Variants in TRPC4AP observed in about 807,000 individuals in gnomAD.
TRPC4AP encodes short transient receptor potential channel 4-associated protein.
A neutral mutation model predicts 99.0 loss-of-function variants in TRPC4AP; 45 were observed. The ratio of observed to expected loss-of-function variants is 0.45; its 90% CI spans 0.36 to 0.58. The LOEUF is 0.58. Among genes scored for constraint, TRPC4AP ranks in the 20% least tolerant of loss-of-function variants. The pLI, the probability that TRPC4AP is intolerant of heterozygous loss-of-function variation, is 0.00. For missense variants in TRPC4AP, 879 were observed against 985.3 expected, an observed-to-expected ratio of 0.89 and a Z score of 1.44; for synonymous variants, 408 against 385.8, an observed-to-expected ratio of 1.06 and a Z score of -0.67.
At chr20:35,058,449 T>C (rs1372315774) in intron 3 of TRPC4AP, among the ~76,000 whole-genome samples, 4 of 152,092 alleles carry the variant, frequency 2.6e-5, no homozygotes, top group Admixed American at 6.6e-5. Context: ...TTAAATCACA[T>C]ACAGTATGTT....
At chr20:35,025,881 A>G (rs973753873) in intron 8 of TRPC4AP, among the ~76,000 whole-genome samples, 2 of 152,134 alleles carry the variant, frequency 1.3e-5, no homozygotes, top group African/African-American at 4.8e-5. Flanking sequence ...CTTTATCCTT[A>G]TGTTTTCTTC....
intron 7 of TRPC4AP, among the ~76,000 whole-genome samples, chr20:35,042,263 C>T (rs2083460637): frequency 6.6e-6 from 1 of 152,206 alleles, no homozygotes; most frequent in Non-Finnish European, 1.5e-5. Flanking sequence ...TTGGAGTCCA[C>T]AAACTTCTAC....
intron 16 of TRPC4AP, among the ~76,000 whole-genome samples, chr20:35,004,978 C>T (rs2082487011): frequency 1.3e-5 from 2 of 152,328 alleles, no homozygotes; most frequent in African/African-American, 2.4e-5. Flanking sequence ...GTTTTCCACA[C>T]CAGCTCTCAG....
At chr20:35,005,866 G>C (rs2082505006) in intron 15 of TRPC4AP, 63 bp from the exon 16 acceptor site, 15 of 1,496,296 alleles carry the variant, frequency 1.0e-5, no homozygotes, top group Non-Finnish European at 1.4e-5. Context: ...CATGGCCCGG[G>C]GGGATAGTCA....
chr20:35,010,726 A>G (rs1221847572), intron 11 of TRPC4AP, among the ~76,000 whole-genome samples: 2 of 152,132 alleles, frequency 1.3e-5, no homozygotes, highest in African/African-American at 4.8e-5. Flanking sequence ...CTTGCCATCC[A>G]GGCCTGTCAC....
intron 8 of TRPC4AP, among the ~76,000 whole-genome samples, chr20:35,034,775 T>C (rs1235698847): frequency 6.6e-6 from 1 of 151,946 alleles, no homozygotes; most frequent in African/African-American, 2.4e-5. Flanking sequence ...TAGGGTACAG[T>C]GAGAGAGAAG....
chr20:35,064,529 G>C (rs1009425666), intron 3 of TRPC4AP, among the ~76,000 whole-genome samples: 2 of 152,154 alleles, frequency 1.3e-5, no homozygotes, highest in African/African-American at 4.8e-5. Flanking sequence ...TAAAGCAGCA[G>C]ATTAAAAATA....
chr20:35,053,365 T>C (rs2083748418), intron 5 of TRPC4AP, among the ~76,000 whole-genome samples: 1 of 152,234 alleles, frequency 6.6e-6, no homozygotes, highest in Non-Finnish European at 1.5e-5. Flanking sequence ...TTAACTGTTT[T>C]ATTGGAATGT....
Position 35,021,069 on chromosome 20 carries a change from A to T in TRPC4AP, c.1218+121T>A, listed in dbSNP as rs2082875559. On this transcript the variant is annotated intron_variant, in intron 9 of 18. Coordinates refer to ENST00000252015, the MANE Select transcript of TRPC4AP (RefSeq NM_015638.3). ...GTAGAACAGAAGGAGAAATACCCCTATGCTTTGCCAGGCTAAAGCGAGAGC... is the reference window on the plus strand; with the variant it reads ...GTAGAACAGAAGGAGAAATACCCCTTTGCTTTGCCAGGCTAAAGCGAGAGC... The T allele has an allele frequency of 2.8e-6, 3 of 1,084,594 alleles. No homozygotes were observed. The East Asian group carries it at 7.6e-5, about 27-fold the overall frequency. 67.2% of individuals were successfully genotyped at this position (1,084,594 alleles called of 1,614,324 possible). A position where few individuals can be genotyped will look rare whatever the true frequency, so the allele number is the denominator to read the frequency against.
intron 7 of TRPC4AP, among the ~76,000 whole-genome samples, chr20:35,038,852 C>T (rs910711502): frequency 4.6e-5 from 7 of 152,148 alleles, no homozygotes; most frequent in Non-Finnish European, 1.0e-4. Context: ...GTGGGTGGAT[C>T]ACCTGAGTTT....
intron 10 of TRPC4AP, among the ~76,000 whole-genome samples, chr20:35,013,557 G>A (rs1169267413): frequency 4.6e-5 from 7 of 152,206 alleles, no homozygotes; most frequent in Non-Finnish European, 8.8e-5. Flanking sequence ...ACTCCAGCCT[G>A]GGTGATGGAG....
intron 11 of TRPC4AP, 123 bp downstream of exon 11, chr20:35,012,885 G>T: frequency 1.1e-6 from 1 of 921,758 alleles, no homozygotes; most frequent in Admixed American, 1.9e-5. Context: ...ACACTGAGGG[G>T]ACAGTGGGCT....
At chr20:35,079,175 G>C (rs1306069954) in intron 1 of TRPC4AP, among the ~76,000 whole-genome samples, 1 of 152,134 alleles carries the variant, frequency 6.6e-6, no homozygotes, top group Non-Finnish European at 1.5e-5. Flanking sequence ...CAGAAATAAA[G>C]TGGGTCATTT....
chr20:35,071,990 G>A (rs907541799), intron 2 of TRPC4AP, among the ~76,000 whole-genome samples: 11 of 152,226 alleles, frequency 7.2e-5, no homozygotes, highest in Non-Finnish European at 1.3e-4. Context: ...ACTAGTGTGA[G>A]ATGGTATCTC....
intron 16 of TRPC4AP, among the ~76,000 whole-genome samples, chr20:35,005,373 ACCACAGGGCACCTGCGATG>A (rs1221096026): frequency 6.6e-6 from 1 of 152,226 alleles, no homozygotes; most frequent in Non-Finnish European, 1.5e-5. Flanking sequence ...TGCCTGCTGC[ACCACAGGGCACCTGCGATG>A]CCACGCACAG....
intron 2 of TRPC4AP, among the ~76,000 whole-genome samples, chr20:35,077,282 C>T (rs1426976268): frequency 6.6e-6 from 1 of 152,168 alleles, no homozygotes; most frequent in Non-Finnish European, 1.5e-5. Context: ...TGACAAGCCC[C>T]AGTGAGATGA....
chr20:35,007,564 G>A lies in TRPC4AP; in HGVS notation c.1672C>T (p.Arg558Ter). 1 of 1,614,016 alleles carries A rather than the reference G, an allele frequency of 6.2e-7. No homozygotes were observed. Among genetic ancestry groups the A allele is most frequent in the East Asian group, 2.2e-5 (1 of 44,894 alleles). Reference protein sequence around the residue: ...SYADQMFLLKRGLLEHILYCI... With the variant: ...SYADQMFLLK ...CCAGATCATACCTCCAAGAGGCCTC[G>A]CTTCAGCAGGAACATCTGGTCTGCA... The change falls in exon 14 of 19, where the codon CGA becomes TGA. Residue 558 changes from arginine (R) to a stop codon, truncating the protein, a stop_gained. Transcript: ENST00000252015. LOFTEE classifies it high-confidence loss of function.
intron 3 of TRPC4AP, among the ~76,000 whole-genome samples, chr20:35,068,489 C>T (rs1343642560): frequency 6.6e-6 from 1 of 152,052 alleles, no homozygotes; most frequent in African/African-American, 2.4e-5. Flanking sequence ...TCAACTGGGG[C>T]CTGGGTAAAT....
At chr20:35,058,785 G>A (rs945027218) in intron 3 of TRPC4AP, among the ~76,000 whole-genome samples, 1 of 150,800 alleles carries the variant, frequency 6.6e-6, no homozygotes, top group African/African-American at 2.5e-5. Context: ...CGCCTCCTGG[G>A]TTCAAGCGAT....
Sources: gnomAD v4.1 joint callset for allele counts (sites outside exome capture counted in the v4.1 genomes callset) on GRCh38, gnomAD v4.1.1 for gene constraint, MANE v1.5 for transcripts, NCBI Gene and HGNC (gene_info 2026-07-23, HGNC 2026-07-21) for gene names.